SPAG16: variants seen among roughly 807,000 people sequenced by gnomAD.
SPAG16 encodes the protein sperm associated antigen 16.
In SPAG16, 86 loss-of-function variants were observed where a neutral mutation model predicts 80.4. The ratio of observed to expected loss-of-function variants is 1.07; its 90% CI spans 0.90 to 1.28. SPAG16 has a LOEUF of 1.28. Among genes scored for constraint, SPAG16 ranks in the 50% most tolerant of loss-of-function variants. SPAG16 has a pLI of 0.00. For missense variants in SPAG16, 870 were observed against 765.3 expected (o/e 1.14, Z -1.61); for synonymous variants, 294 against 265.9 (o/e 1.11, Z -1.03).
chr2:213,427,526 A>G (rs953498941), intron 9 of SPAG16, among the ~76,000 whole-genome samples: 4 of 152,190 alleles, frequency 2.6e-5, no homozygotes, highest in East Asian at 1.9e-4. Flanking sequence ...ACTGGCTTCT[A>G]ATTTTCTGGT....
At chr2:213,443,342 TTC>T (rs1226576486) in intron 9 of SPAG16, among the ~76,000 whole-genome samples, 1 of 152,318 alleles carries the variant, frequency 6.6e-6, no homozygotes, top group African/African-American at 2.4e-5. Flanking sequence ...CACCATTGTA[TTC>T]TCTGTTTCTG....
At chr2:214,251,277 GAAA>G (rs57878279) in intron 15 of SPAG16, among the ~76,000 whole-genome samples, 2 of 146,176 alleles carry the variant, frequency 1.4e-5, no homozygotes, top group African/African-American at 5.0e-5. Flanking sequence ...GTTGCAGAAA[GAAA>G]AAAAAAAAGT....
At chr2:213,805,714 C>G (rs1027152555) in intron 10 of SPAG16, among the ~76,000 whole-genome samples, 1 of 152,114 alleles carries the variant, frequency 6.6e-6, no homozygotes, top group African/African-American at 2.4e-5. Context: ...GATTCTCTGA[C>G]ACATAATTAC....
At position 213,373,663 on chromosome 2, in the gene SPAG16, A is replaced by T. The variant is rs71426334; in HGVS notation, c.833-1347A>T. On this transcript the variant is annotated intron_variant, in intron 8 of 15. Transcript: ENST00000331683. ...TTATATTCCTGGAATTATCTGTTGGATTCTTGAGTTTCTCTCCCTACTGAT... is the reference window on the plus strand; with the variant it reads ...TTATATTCCTGGAATTATCTGTTGGTTTCTTGAGTTTCTCTCCCTACTGAT... 2.9e-3 allele frequency among the ~76,000 whole-genome samples: 437 copies of T among 152,114 alleles called. 1 individual carries two copies. Among genetic ancestry groups the T allele is most frequent in the Middle Eastern group, 0.014 (4 of 294 alleles).
intron 9 of SPAG16, among the ~76,000 whole-genome samples, chr2:213,437,370 T>C (rs1396076477): frequency 1.3e-5 from 2 of 152,206 alleles, no homozygotes; most frequent in African/African-American, 2.4e-5. Context: ...TTTTTGAAAA[T>C]AACTTTTAAC....
At chr2:213,938,386 GTA>G (rs2079071898) in intron 12 of SPAG16, among the ~76,000 whole-genome samples, 1 of 151,924 alleles carries the variant, frequency 6.6e-6, no homozygotes, top group South Asian at 2.1e-4. Flanking sequence ...ACTTGTACAT[GTA>G]TGTGTGTGTG....
intron 10 of SPAG16, among the ~76,000 whole-genome samples, chr2:213,639,492 T>G (rs1048974795): frequency 6.6e-6 from 1 of 152,194 alleles, no homozygotes; most frequent in South Asian, 2.1e-4. Flanking sequence ...TATCTCCCCT[T>G]CGTTTATGAA....
At chr2:214,179,600 A>G (rs992311754) in intron 15 of SPAG16, among the ~76,000 whole-genome samples, 4 of 151,358 alleles carry the variant, frequency 2.6e-5, no homozygotes, top group African/African-American at 4.8e-5. Context: ...AGAATCAGCA[A>G]ATGTGGCACT....
chr2:214,325,871 G>A (rs2126001803), intron 15 of SPAG16, among the ~76,000 whole-genome samples: 1 of 152,158 alleles, frequency 6.6e-6, no homozygotes, highest in South Asian at 2.1e-4. Context: ...TTCCATTTTT[G>A]TAGTATTTTA....
chr2:213,695,500 G>C (rs565181947), intron 10 of SPAG16, among the ~76,000 whole-genome samples: 1 of 152,262 alleles, frequency 6.6e-6, no homozygotes, highest in East Asian at 1.9e-4. Context: ...TTAGGATCCT[G>C]TTCTCAGAAA....
At chr2:213,688,342 G>A (rs1415958433) in intron 10 of SPAG16, among the ~76,000 whole-genome samples, 1 of 152,120 alleles carries the variant, frequency 6.6e-6, no homozygotes, top group African/African-American at 2.4e-5. Context: ...TTCAGGAATG[G>A]GAGGGCCTGG....
At chr2:213,946,799 A>G (rs2079497781) in intron 12 of SPAG16, among the ~76,000 whole-genome samples, 1 of 152,184 alleles carries the variant, frequency 6.6e-6, no homozygotes, top group Admixed American at 6.5e-5. Flanking sequence ...ATCAGGATAC[A>G]GATTTGTCCA....
chr2:214,221,685 T>G (rs990962235), intron 15 of SPAG16, among the ~76,000 whole-genome samples: 1 of 152,088 alleles, frequency 6.6e-6, no homozygotes, highest in Admixed American at 6.5e-5. Context: ...ATTTTTACTT[T>G]CCAGAGCCTA....
chr2:213,344,934 A>T (rs62192310), intron 6 of SPAG16, among the ~76,000 whole-genome samples: 2 of 152,024 alleles, frequency 1.3e-5, no homozygotes, highest in South Asian at 2.1e-4. Context: ...TTTCTAGTTC[A>T]AGATCCCTGA....
intron 10 of SPAG16, among the ~76,000 whole-genome samples, chr2:213,701,907 G>T (rs576661087): frequency 2.0e-5 from 3 of 152,100 alleles, no homozygotes; most frequent in Admixed American, 2.0e-4. Flanking sequence ...GTTTGTAAAT[G>T]CACCAATCAG....
intron 13 of SPAG16, among the ~76,000 whole-genome samples, chr2:214,057,825 A>G (rs999452547): frequency 6.6e-6 from 1 of 152,200 alleles, no homozygotes; most frequent in African/African-American, 2.4e-5. Flanking sequence ...CTTCTACATC[A>G]GCACTGGCGC....
At chr2:213,518,678 A>G (rs996577298) in intron 10 of SPAG16, among the ~76,000 whole-genome samples, 2 of 152,200 alleles carry the variant, frequency 1.3e-5, no homozygotes, top group East Asian at 3.8e-4. Context: ...CAGTTTGGAG[A>G]TTTCTGAAAG....
At chr2:213,950,845 A>G (rs1172029123) in intron 12 of SPAG16, among the ~76,000 whole-genome samples, 2 of 150,500 alleles carry the variant, frequency 1.3e-5, no homozygotes, top group African/African-American at 4.9e-5. Flanking sequence ...AGTAGCTGGG[A>G]CCACAGGCTT....
At chr2:214,151,908 A>T (rs2055991407) in intron 15 of SPAG16, among the ~76,000 whole-genome samples, 1 of 152,216 alleles carries the variant, frequency 6.6e-6, no homozygotes, top group African/African-American at 2.4e-5. Flanking sequence ...GTGGGTGGTT[A>T]TTAGATACTT....
Sources: gnomAD v4.1 joint callset for allele counts (sites outside exome capture counted in the v4.1 genomes callset) on GRCh38, gnomAD v4.1.1 for gene constraint, MANE v1.5 for transcripts, NCBI Gene and HGNC (gene_info 2026-07-23, HGNC 2026-07-21) for gene names.